SEC61A2: variants seen among roughly 807,000 people sequenced by gnomAD.
The protein encoded by SEC61A2 is protein transport protein Sec61 subunit alpha isoform 2.
Under a neutral mutation model 59.9 loss-of-function variants are expected in SEC61A2, and 28 were observed. The observed-to-expected ratio is 0.47, with a 90% CI of 0.35 to 0.64. SEC61A2 has a LOEUF of 0.64. Ranked by LOEUF, SEC61A2 falls within the 30% of genes least tolerant of loss-of-function variation. The pLI, the probability that SEC61A2 is intolerant of heterozygous loss-of-function variation, is 0.01. For missense variants in SEC61A2, 340 were observed against 585.9 expected (o/e 0.58, Z 4.33); for synonymous variants, 202 against 214.4 (o/e 0.94, Z 0.50).
At chr10:12,150,975 C>T (rs1834257937) in intron 6 of SEC61A2, among the ~76,000 whole-genome samples, 1 of 152,046 alleles carries the variant, frequency 6.6e-6, no homozygotes, top group Non-Finnish European at 1.5e-5. Flanking sequence ...GGGGGTTTCA[C>T]CATGTTGGCC....
chr10:12,133,093 A>T, intron 1 of SEC61A2, 148 bp from the exon 2 acceptor site: 2 of 506,158 alleles, frequency 4.0e-6, no homozygotes, highest in East Asian at 6.4e-5. Context: ...TATCATTTGA[A>T]ATGGAGAACA....
At chr10:12,159,745 A>G (rs996400804) in intron 9 of SEC61A2, among the ~76,000 whole-genome samples, 2 of 152,158 alleles carry the variant, frequency 1.3e-5, no homozygotes, top group Admixed American at 6.5e-5. Flanking sequence ...ACAGTAGGTA[A>G]TTCTAGAATT....
downstream of SEC61A2, chr10:12,169,377 C>A: frequency 8.0e-7 from 1 of 1,253,272 alleles, no homozygotes; most frequent in Non-Finnish European, 1.1e-6. This position sits in a 1 kb window ranked among gnomAD's most constrained non-coding sequence, Gnocchi z 4.8. Flanking sequence ...CCCTGCTTTC[C>A]ACGCACCTCC....
At position 12,129,815 on chromosome 10, in the gene SEC61A2, C is replaced by A; in HGVS notation, c.7+21C>A. ...GGGCAGTGAGTAGCGGCGGCTGGAGCGGGGACTCTGGCTGGGAACGCAGGC... is the reference window on the plus strand; with the variant it reads ...GGGCAGTGAGTAGCGGCGGCTGGAGAGGGGACTCTGGCTGGGAACGCAGGC... On this transcript the variant is annotated intron_variant, in intron 1 of 11. Coordinates refer to ENST00000298428, the MANE Select transcript of SEC61A2 (RefSeq NM_018144.4). This position sits in a 1 kb window ranked among gnomAD's most constrained non-coding sequence, Gnocchi z 5.6. The A allele has an allele frequency of 7.1e-7, 1 of 1,405,712 alleles. No individual in the cohort carries two copies. The allele number at this position is 1,405,712 out of a possible 1,614,324, so 87.1% of individuals were successfully genotyped here. A position where few individuals can be genotyped will look rare whatever the true frequency, so the allele number is the denominator to read the frequency against.
chr10:12,138,484 G>A (rs1179544303), intron 3 of SEC61A2, among the ~76,000 whole-genome samples: 1 of 152,106 alleles, frequency 6.6e-6, no homozygotes, highest in Non-Finnish European at 1.5e-5. Context: ...AACCTCTGTG[G>A]ATATAGAACA....
intron 3 of SEC61A2, among the ~76,000 whole-genome samples, chr10:12,138,047 G>C (rs1403538350): frequency 2.0e-5 from 3 of 151,938 alleles, no homozygotes; most frequent in Admixed American, 1.3e-4. Flanking sequence ...ATACATACCA[G>C]ATAATTTAGG....
Position 12,156,848 on chromosome 10 carries a change from G to C in SEC61A2, c.617-59G>C. ...ACTGGACTTTCACGGTTAGTTGTTT[G>C]AGCTTTGGGACAGCTTTGGACGATG... On this transcript the variant is annotated intron_variant, in intron 7 of 11. Coordinates refer to ENST00000298428, the MANE Select transcript of SEC61A2 (RefSeq NM_018144.4). The surrounding 1 kb of genome is among the most constrained non-coding windows in gnomAD (Gnocchi z 5.2). The C allele has an allele frequency of 6.4e-7, 1 of 1,565,116 alleles. No homozygotes were observed. The highest frequency in any genetic ancestry group is 8.7e-7 in the Non-Finnish European group (1 of 1,154,718).
At position 12,155,946 on chromosome 10, in the gene SEC61A2, G is replaced by A. The variant is rs1182203598; in HGVS notation, c.616+15G>A. On this transcript the variant is annotated intron_variant, in intron 7 of 11. Coordinates refer to ENST00000298428, the MANE Select transcript of SEC61A2 (RefSeq NM_018144.4). The surrounding 1 kb of genome is among the most constrained non-coding windows in gnomAD (Gnocchi z 4.3). ...CACTGGCAGAGGTACATCGCACAGC[G>A]ACTGCAACTGCACGCGTTTTGCTGG... The A allele has an allele frequency of 1.9e-6, 3 of 1,613,844 alleles. No individual in the cohort carries two copies. The highest frequency in any genetic ancestry group is 1.7e-5 in the Admixed American group (1 of 59,988).
rs529474692 is a variant in SEC61A2 at position 12,133,988 on chromosome 10, A to C, written c.75+680A>C. ...TAGGTAAAAGAATTTTAAACTTACT[A>C]TTTGATTTAGAAGTATTTATTTATT... On this transcript the variant is annotated intron_variant, in intron 2 of 11. Coordinates refer to ENST00000298428, the MANE Select transcript of SEC61A2 (RefSeq NM_018144.4). Among the ~76,000 whole-genome samples the C allele has an allele frequency of 1.5e-3, 227 of 152,284 alleles. 1 individual carries two copies. The highest frequency in any genetic ancestry group is 5.3e-3 in the African/African-American group (219 of 41,570).
Position 12,156,761 on chromosome 10 carries a change from C to T in SEC61A2, c.617-146C>T, listed in dbSNP as rs1435628127. The T allele has an allele frequency of 4.5e-6, 3 of 670,256 alleles. No homozygotes were observed. Among genetic ancestry groups the T allele is most frequent in the Non-Finnish European group, 7.6e-6 (3 of 396,950 alleles). The allele number at this position is 670,256 out of a possible 1,614,324, so 41.5% of individuals were successfully genotyped here. A position where few individuals can be genotyped will look rare whatever the true frequency, so the allele number is the denominator to read the frequency against. ...GATCTAAATATTTGTAGAACCTGCTCACATGGCTATATCATAAAGCAAACA... is the reference window on the plus strand; with the variant it reads ...GATCTAAATATTTGTAGAACCTGCTTACATGGCTATATCATAAAGCAAACA... On this transcript the variant is annotated intron_variant, in intron 7 of 11. Coordinates refer to ENST00000298428, the MANE Select transcript of SEC61A2 (RefSeq NM_018144.4). The surrounding 1 kb of genome is among the most constrained non-coding windows in gnomAD (Gnocchi z 5.2).
At chr10:12,163,412 C>A (rs566870994) in intron 11 of SEC61A2, among the ~76,000 whole-genome samples, 3 of 150,918 alleles carry the variant, frequency 2.0e-5, no homozygotes, top group African/African-American at 4.9e-5. Context: ...GCAACCTCGA[C>A]CTCCTGGGAT....
downstream of SEC61A2, chr10:12,165,546 G>A (rs1834650963): frequency 5.4e-6 from 1 of 186,376 alleles, no homozygotes. Flanking sequence ...ACCAACTTAA[G>A]GGTAATCATA....
chr10:12,148,155 G>A (rs1393695512), intron 4 of SEC61A2, among the ~76,000 whole-genome samples: 1 of 151,106 alleles, frequency 6.6e-6, no homozygotes, highest in African/African-American at 2.4e-5. Flanking sequence ...TGGCCAGGCT[G>A]GTCTCAAACT....
chr10:12,144,405 A>G (rs1469605654), intron 4 of SEC61A2, among the ~76,000 whole-genome samples: 1 of 152,178 alleles, frequency 6.6e-6, no homozygotes, highest in Non-Finnish European at 1.5e-5. Flanking sequence ...TTGTTTACTT[A>G]ATATCTTACA....
chr10:12,136,513 A>G (rs1024048778), intron 3 of SEC61A2, among the ~76,000 whole-genome samples: 12 of 152,208 alleles, frequency 7.9e-5, no homozygotes, highest in Admixed American at 4.6e-4. Context: ...CAGGGGCATG[A>G]TCTCAGCTCA....
rs577300094 is a variant in SEC61A2 at position 12,162,142 on chromosome 10, G to T, written c.1168-71G>T. ...CGTGTTAGTGTGTGGCGAGCACTTC[G>T]CATAGAACGTGGTAGATGTAAGCAG... is the stretch of plus-strand genomic sequence containing the variant. On this transcript the variant is annotated intron_variant, in intron 10 of 11. Coordinates refer to ENST00000298428, the MANE Select transcript of SEC61A2 (RefSeq NM_018144.4). The surrounding 1 kb of genome is among the most constrained non-coding windows in gnomAD (Gnocchi z 6.1). 4.7e-4 allele frequency: 551 copies of T among 1,184,722 alleles called. 2 individuals carry two copies. Among genetic ancestry groups the T allele is most frequent in the Non-Finnish European group, 6.2e-4 (494 of 794,380 alleles). The allele number at this position is 1,184,722 out of a possible 1,614,324, so 73.4% of individuals were successfully genotyped here.
At chr10:12,169,188 T>A, downstream of SEC61A2, 1 of 1,000,430 alleles carries the variant, frequency 1.0e-6, no homozygotes, top group Non-Finnish European at 1.5e-6. The surrounding 1 kb of genome is among the most constrained non-coding windows in gnomAD (Gnocchi z 4.8). Flanking sequence ...TTACCCCTCC[T>A]CCTTTATAGC....
intron 4 of SEC61A2, among the ~76,000 whole-genome samples, chr10:12,147,185 C>G (rs1564411225): frequency 2.6e-5 from 4 of 152,232 alleles, no homozygotes; most frequent in Admixed American, 2.6e-4. Context: ...GCCACCATGT[C>G]TGCCTTAATA....
chr10:12,142,431 A>T lies in SEC61A2; in HGVS notation c.142-686A>T. 1 of 539,952 alleles carries T rather than the reference A, an allele frequency of 1.9e-6. No individual in the cohort carries two copies. The highest frequency in any genetic ancestry group is 2.4e-6 in the Non-Finnish European group (1 of 423,012). The allele number at this position is 539,952 out of a possible 1,614,324, so 33.4% of individuals were successfully genotyped here. On this transcript the variant is annotated intron_variant, in intron 3 of 11. Transcript: ENST00000298428. The surrounding 1 kb of genome is among the most constrained non-coding windows in gnomAD (Gnocchi z 5.4). ...ATAAGTACTTCTTCCATGTTATTAC[A>T]GATTGAGTAAGCATAATTTTTAGTG... is the stretch of plus-strand genomic sequence containing the variant.
Sources: allele counts gnomAD v4.1 joint callset (sites outside exome capture counted in the v4.1 genomes callset), GRCh38; gene constraint gnomAD v4.1.1; non-coding constraint Gnocchi (gnomAD v3.1); transcripts MANE v1.5; gene names NCBI Gene and HGNC (gene_info 2026-07-23, HGNC 2026-07-21).